Variants in CHEK2 observed in about 807,000 individuals in gnomAD.
The protein encoded by CHEK2 is serine/threonine-protein kinase Chk2.
In CHEK2, 71 loss-of-function variants were observed where a neutral mutation model predicts 69.1. The ratio of observed to expected loss-of-function variants is 1.03; its 90% CI spans 0.85 to 1.25. The LOEUF (loss-of-function observed/expected upper bound fraction) is 1.25, where lower values mean the gene tolerates loss of function less well. CHEK2 is among the 50% of genes most tolerant of loss of function. The pLI, the probability that CHEK2 is intolerant of heterozygous loss-of-function variation, is 0.00. For missense variants in CHEK2, 664 were observed against 649.6 expected (o/e 1.02, Z -0.24); for synonymous variants, 189 against 226.9 (o/e 0.83, Z 1.50).
intron 9 of CHEK2, among the ~76,000 whole-genome samples, chr22:28,698,750 G>A (rs1191702270): frequency 1.3e-5 from 2 of 152,148 alleles, no homozygotes; most frequent in African/African-American, 2.4e-5. Context: ...GAATAGAGAT[G>A]GCTATGTGCA....
intron 2 of CHEK2, among the ~76,000 whole-genome samples, chr22:28,727,102 C>T (rs1477459024): frequency 1.3e-5 from 2 of 152,066 alleles, no homozygotes; most frequent in African/African-American, 2.4e-5. Context: ...AGTGCGGTGG[C>T]GCGATCTCGG....
intron 1 of CHEK2, chr22:28,737,310 T>C (rs1004249728): frequency 2.1e-6 from 1 of 479,212 alleles, no homozygotes; most frequent in African/African-American, 2.0e-5. Flanking sequence ...CCATATTAAA[T>C]TGAGATCTTT....
At chr22:28,712,120 T>TTAG in intron 5 of CHEK2, 103 bp from the exon 6 acceptor site, 6 of 832,962 alleles carry the variant, frequency 7.2e-6, no homozygotes, top group South Asian at 1.4e-5. Flanking sequence ...ACATTCCATA[T>TTAG]AACAGCCTTT....
chr22:28,696,052 T>C (rs1472321880), intron 10 of CHEK2, among the ~76,000 whole-genome samples, 179 bp from the exon 11 acceptor site: 1 of 152,224 alleles, frequency 6.6e-6, no homozygotes, highest in Non-Finnish European at 1.5e-5. Context: ...TTAATTTTGC[T>C]TAAATTAAAA....
rs730881692 is a variant in CHEK2 at position 28,694,088 on chromosome 22, C to T, written c.1405G>A (p.Val469Met). Residue 469 changes from valine (V) to methionine (M), a missense_variant, in exon 13 of 15, where the codon GTG (valine) becomes ATG (methionine). Physicochemically the swap from Val to Met is conservative, Grantham distance 21. Coordinates refer to ENST00000404276, the MANE Select transcript of CHEK2 (RefSeq NM_007194.4). Reference sequence around the variant, plus strand: ...GTCGTAAAACGTGCCTTTGGATCCACTACCAACAACTTCTTGACAAGGTCC... The same window carrying T: ...GTCGTAAAACGTGCCTTTGGATCCATTACCAACAACTTCTTGACAAGGTCC... ...ALDLVKKLLV[V>M]DPKARFTTEE... The T allele has an allele frequency of 3.1e-6, 5 of 1,595,936 alleles. No homozygotes were observed. The highest frequency in any genetic ancestry group is 4.2e-6 in the Non-Finnish European group (5 of 1,179,454).
At chr22:28,716,151 G>A (rs1350459851) in intron 5 of CHEK2, among the ~76,000 whole-genome samples, 1 of 151,676 alleles carries the variant, frequency 6.6e-6, no homozygotes. Flanking sequence ...GGGGTTACAG[G>A]CATGAGCCAC....
At chr22:28,710,760 C>G (rs2053364508) in intron 6 of CHEK2, among the ~76,000 whole-genome samples, 1 of 152,160 alleles carries the variant, frequency 6.6e-6, no homozygotes, top group African/African-American at 2.4e-5. Flanking sequence ...CTAAGAAACC[C>G]AGATGTTTAA....
At chr22:28,703,613 G>T in intron 7 of CHEK2, 47 bp from the exon 8 acceptor site, 1 of 1,191,092 alleles carries the variant, frequency 8.4e-7, no homozygotes, top group Non-Finnish European at 1.2e-6. Context: ...AAACTCCCAA[G>T]AGGAAAACCA....
chr22:28,736,287 C>G (rs2054401511), intron 1 of CHEK2, among the ~76,000 whole-genome samples: 1 of 152,080 alleles, frequency 6.6e-6, no homozygotes, highest in African/African-American at 2.4e-5. Context: ...ATATAAAAGT[C>G]AAAAAGAAAT....
intron 12 of CHEK2, 62 bp from the exon 13 acceptor site, chr22:28,694,179 C>T (rs2145787535): frequency 1.8e-6 from 2 of 1,095,976 alleles, no homozygotes; most frequent in Non-Finnish European, 2.8e-6. Flanking sequence ...TAAGAGTATG[C>T]CAGAATTAAC....
chr22:28,724,674 C>T, intron 4 of CHEK2: 1 of 387,212 alleles, frequency 2.6e-6, no homozygotes, highest in Non-Finnish European at 5.0e-6. Flanking sequence ...TCAAGCGATT[C>T]TCCTGCCTCA....
At position 28,734,697 on chromosome 22, in the gene CHEK2, C is replaced by G; in HGVS notation, c.25G>C (p.Ala9Pro). The G allele has an allele frequency of 6.2e-7, 1 of 1,613,548 alleles. No individual in the cohort carries two copies. Among genetic ancestry groups the G allele is most frequent in the Non-Finnish European group, 8.5e-7 (1 of 1,179,950 alleles). Reference protein sequence around the residue: MSRESDVEAQQSHGSSACS... With the variant: MSRESDVEPQQSHGSSACS... ...GCACTGCTGCCATGAGACTGCTGAG[C>G]CTCAACATCCGACTCCCGAGACATC... The change falls in exon 2 of 15, where the codon GCT (alanine) becomes CCT (proline). Residue 9 changes from alanine to proline, a missense_variant. Ala to Pro is a conservative substitution (Grantham distance 27). Transcript: ENST00000404276.
intron 5 of CHEK2, among the ~76,000 whole-genome samples, chr22:28,716,306 C>T (rs561259842): frequency 6.6e-6 from 1 of 151,736 alleles, no homozygotes; most frequent in South Asian, 2.1e-4. Flanking sequence ...AAGCTATTCT[C>T]CTGCCTCAGC....
intron 2 of CHEK2, chr22:28,730,382 A>AGAAAGG (rs762172627): frequency 1.8e-6 from 1 of 544,616 alleles, no homozygotes; most frequent in South Asian, 2.4e-5. Context: ...AAAGGGAAAG[A>AGAAAGG]GAAAGGGAAA....
At chr22:28,715,715 C>T (rs1249604289) in intron 5 of CHEK2, among the ~76,000 whole-genome samples, 2 of 152,170 alleles carry the variant, frequency 1.3e-5, no homozygotes, top group Non-Finnish European at 1.5e-5. Context: ...CCACTATGCC[C>T]GGCCTGGCTA....
At chr22:28,702,533 C>T (rs1480077508) in intron 8 of CHEK2, among the ~76,000 whole-genome samples, 36 of 138,764 alleles carry the variant, frequency 2.6e-4, no homozygotes, top group Non-Finnish European at 3.9e-4. Context: ...CCACTGCGCC[C>T]GGCCTTTTTT....
At chr22:28,715,883 C>T (rs567833066) in intron 5 of CHEK2, among the ~76,000 whole-genome samples, 32 of 149,524 alleles carry the variant, frequency 2.1e-4, no homozygotes, top group Non-Finnish European at 4.2e-4. Flanking sequence ...TTTTTCCTCC[C>T]GAGACATTGT....
chr22:28,702,400 A>G lies in CHEK2; in HGVS notation c.908+1105T>C, dbSNP rs370291937. Among the ~76,000 whole-genome samples the G allele has an allele frequency of 4.2e-3, 629 of 150,366 alleles. 5 individuals are homozygous for G. The highest frequency in any genetic ancestry group is 0.014 in the African/African-American group (571 of 40,850). On this transcript the variant is annotated intron_variant, in intron 8 of 14. Coordinates refer to ENST00000404276, the MANE Select transcript of CHEK2 (RefSeq NM_007194.4). ...ACTACAGGAGCCCACCACCACACCCAGCTAATTTTTTGTATTTTTAGTAGA... is the reference window on the plus strand; with the variant it reads ...ACTACAGGAGCCCACCACCACACCCGGCTAATTTTTTGTATTTTTAGTAGA...
intron 7 of CHEK2, among the ~76,000 whole-genome samples, chr22:28,704,858 TTCATCAC>T (rs1466003550): frequency 6.6e-6 from 1 of 152,164 alleles, no homozygotes; most frequent in Non-Finnish European, 1.5e-5. Context: ...TTTCATCATA[TTCATCAC>T]TCATCACTCT....
Sources: allele counts gnomAD v4.1 joint callset (sites outside exome capture counted in the v4.1 genomes callset), GRCh38; gene constraint gnomAD v4.1.1; transcripts MANE v1.5; gene names NCBI Gene and HGNC (gene_info 2026-07-23, HGNC 2026-07-21).